CHL1: variants seen among roughly 807,000 people sequenced by gnomAD.
CHL1 encodes cell adhesion molecule L1 like.
In CHL1, 96 loss-of-function variants were observed where a neutral mutation model predicts 141.9. The ratio of observed to expected loss-of-function variants is 0.68; its 90% confidence interval spans 0.57 to 0.80. The LOEUF is 0.80. Among genes scored for constraint, CHL1 ranks in the 30% least tolerant of loss-of-function variants. The probability of loss-of-function intolerance (pLI) is 0.00; values close to 1 mark genes in which losing one functional copy is unlikely to be tolerated. For missense variants in CHL1, 1,820 were observed against 1,457.2 expected (o/e 1.25, Z -4.05); for synonymous variants, 613 against 502.2 (o/e 1.22, Z -2.95).
chr3:405,472 A>G, intron 27 of CHL1, 23 bp from the exon 28 acceptor site: 1 of 1,493,500 alleles, frequency 6.7e-7, no homozygotes, highest in Non-Finnish European at 9.3e-7. Flanking sequence ...TTGTTGAGCT[A>G]TTTTTGTTTG....
chr3:239,423 T>G (rs1469277791), intron 1 of CHL1, among the ~76,000 whole-genome samples: 1 of 152,130 alleles, frequency 6.6e-6, no homozygotes, highest in African/African-American at 2.4e-5. Context: ...TTTTCTCTGC[T>G]GCAGCATCTC....
At chr3:229,683 G>C (rs542841439) in intron 1 of CHL1, among the ~76,000 whole-genome samples, 2 of 152,062 alleles carry the variant, frequency 1.3e-5, no homozygotes, top group African/African-American at 4.8e-5. Flanking sequence ...CTCTTGGTGG[G>C]ATTATGAAAT....
chr3:259,135 G>T (rs952933207), intron 2 of CHL1, among the ~76,000 whole-genome samples: 8 of 151,660 alleles, frequency 5.3e-5, no homozygotes, highest in African/African-American at 1.9e-4. Context: ...ATTTCAGGCT[G>T]GCTTTGAACT....
chr3:380,795 A>G (rs1166174426), intron 16 of CHL1, among the ~76,000 whole-genome samples: 2 of 152,168 alleles, frequency 1.3e-5, no homozygotes, highest in African/African-American at 2.4e-5. Flanking sequence ...ATAAGACCTA[A>G]TGTTTATTGC....
At chr3:249,982 T>A (rs2125133452) in intron 2 of CHL1, among the ~76,000 whole-genome samples, 1 of 152,178 alleles carries the variant, frequency 6.6e-6, no homozygotes, top group South Asian at 2.1e-4. Context: ...TACTTTTTTT[T>A]TTTGAGACAT....
intron 2 of CHL1, among the ~76,000 whole-genome samples, chr3:309,708 C>A (rs1052075327): frequency 1.3e-5 from 2 of 151,986 alleles, no homozygotes; most frequent in Non-Finnish European, 2.9e-5. Flanking sequence ...AGAGATGGGG[C>A]CTCACTATGT....
intron 2 of CHL1, among the ~76,000 whole-genome samples, chr3:298,464 A>G (rs187043696): frequency 1.3e-5 from 2 of 152,328 alleles, no homozygotes; most frequent in East Asian, 1.9e-4. Flanking sequence ...CTTGCTCAAT[A>G]GGAGTATTTA....
intron 9 of CHL1, among the ~76,000 whole-genome samples, chr3:346,955 T>C (rs547110608): frequency 6.6e-6 from 1 of 152,092 alleles, no homozygotes; most frequent in East Asian, 1.9e-4. Flanking sequence ...AAAATGATTA[T>C]CTATAAGTGT....
rs780080487 is a variant in CHL1, at chr3:328,227, G to A, written c.258G>A (p.Ser86=). ...TCACTGACCATCGGATAATTCCATC[G>A]AACAATTCAGGAACATTCAGGATCC... The part of the protein sequence containing the change: ...FYFTDHRIIP[S]NNSGTFRIPN... Residue 86 remains serine, a synonymous_variant, in exon 5 of 28, where the codon TCG becomes TCA. Coordinates refer to ENST00000256509, the MANE Select transcript of CHL1 (RefSeq NM_006614.4). 113 of 1,611,304 alleles carry A rather than the reference G, an allele frequency of 7.0e-5. No homozygotes were observed. Among genetic ancestry groups the A allele is most frequent in the Admixed American group, 2.2e-4 (13 of 59,784 alleles).
chr3:259,304 T>TTGTGTG (rs150435694), intron 2 of CHL1, among the ~76,000 whole-genome samples: 2 of 149,824 alleles, frequency 1.3e-5, no homozygotes, highest in African/African-American at 5.0e-5. Context: ...GTGTGCGTGC[T>TTGTGTG]TGTGTGTGTG....
intron 1 of CHL1, among the ~76,000 whole-genome samples, chr3:239,564 A>C (rs1238392082): frequency 6.7e-6 from 1 of 149,252 alleles, no homozygotes; most frequent in African/African-American, 2.5e-5. Flanking sequence ...TAATGCATTC[A>C]TTCTTTAATT....
intron 11 of CHL1, among the ~76,000 whole-genome samples, chr3:359,164 C>T (rs1703983796): frequency 6.6e-6 from 1 of 151,836 alleles, no homozygotes; most frequent in Non-Finnish European, 1.5e-5. Context: ...ATCCAGTCCC[C>T]TCACCTTTAA....
In CHL1 at chr3:383,490, A is replaced by AT. The variant is rs1394386105; in HGVS notation, c.2177-317dup. Among the ~76,000 whole-genome samples, 57 of 152,036 alleles carry AT rather than the reference A, an allele frequency of 3.7e-4. 1 individual carries two copies. The highest frequency in any genetic ancestry group is 1.2e-3 in the African/African-American group (49 of 41,480). ...AAAAATAGAGCAGGCTTAAATTAAA[A>AT]TTTTTTTTTAAAAAAGCAGGTTCAG... On this transcript the variant is annotated intron_variant, in intron 18 of 27. Coordinates refer to ENST00000256509, the MANE Select transcript of CHL1 (RefSeq NM_006614.4).
At chr3:251,568 AT>A (rs1693695745) in intron 2 of CHL1, among the ~76,000 whole-genome samples, 1 of 152,134 alleles carries the variant, frequency 6.6e-6, no homozygotes, top group Admixed American at 6.6e-5. Context: ...CTTCTTTAAA[AT>A]GGGGGATGTT....
intron 1 of CHL1, among the ~76,000 whole-genome samples, chr3:221,656 G>A (rs1266844509): frequency 1.3e-5 from 2 of 152,198 alleles, no homozygotes; most frequent in Non-Finnish European, 2.9e-5. Context: ...AAGGACTTAT[G>A]CATCAACAGT....
chr3:292,445 A>T (rs1251132716), intron 2 of CHL1, among the ~76,000 whole-genome samples: 1 of 152,224 alleles, frequency 6.6e-6, no homozygotes, highest in African/African-American at 2.4e-5. Context: ...TTTTAAATAA[A>T]AATTGTTATA....
At chr3:319,657 A>G in intron 2 of CHL1, 26 bp from the exon 3 acceptor site, 1 of 596,710 alleles carries the variant, frequency 1.7e-6, no homozygotes, top group South Asian at 2.1e-5. Flanking sequence ...TTGTGAACTA[A>G]CATGTTATTC....
intron 15 of CHL1, among the ~76,000 whole-genome samples, chr3:375,846 A>C (rs1367825535): frequency 6.6e-6 from 1 of 152,174 alleles, no homozygotes; most frequent in Admixed American, 6.5e-5. Context: ...CTGAGCCGCA[A>C]ACACAGGTCT....
chr3:306,688 T>C (rs1264859795), intron 2 of CHL1, among the ~76,000 whole-genome samples: 1 of 151,960 alleles, frequency 6.6e-6, no homozygotes, highest in South Asian at 2.1e-4. Context: ...AGAAATGTGA[T>C]GACAAAAAAA....
Sources: allele counts gnomAD v4.1 joint callset (sites outside exome capture counted in the v4.1 genomes callset), GRCh38; gene constraint gnomAD v4.1.1; transcripts MANE v1.5; gene names NCBI Gene and HGNC (gene_info 2026-07-23, HGNC 2026-07-21).